SBF2: variants seen among roughly 807,000 people sequenced by gnomAD.
SBF2 encodes myotubularin-related protein 13.
In SBF2, 112 loss-of-function variants were observed where a neutral mutation model predicts 225.2. The observed-to-expected ratio is 0.50, with a 90% CI of 0.43 to 0.58. SBF2 has a LOEUF of 0.58. Ranked by LOEUF, SBF2 falls within the 20% of genes least tolerant of loss-of-function variation. The pLI, the probability that SBF2 is intolerant of heterozygous loss-of-function variation, is 0.00. For synonymous variants in SBF2, 763 were observed against 773.3 expected (o/e 0.99, Z 0.22); for missense variants, 1,996 against 2,206.2 (o/e 0.90, Z 1.91).
chr11:9,781,244 C>A (rs2133841038), intron 39 of SBF2, among the ~76,000 whole-genome samples: 1 of 152,376 alleles, frequency 6.6e-6, no homozygotes, highest in East Asian at 1.9e-4. Context: ...CAACATTTAA[C>A]AAGGAGTTCA....
Position 9,959,473 on chromosome 11 carries a change from A to T in SBF2, c.1860+2484T>A, listed in dbSNP as rs565302413. On this transcript the variant is annotated intron_variant, in intron 16 of 39. Transcript: ENST00000256190. The stretch of plus-strand genomic sequence containing the variant: ...CCTTATCCGTTTACAGGTGTGCCTC[A>T]AATTGGTCTCTGCAGGCTTTCGATT... 79 of 1,015,982 alleles carry T rather than the reference A, an allele frequency of 7.8e-5. No homozygotes were observed. The East Asian group carries it at 1.9e-3, about 24-fold the overall frequency. 62.9% of individuals were successfully genotyped at this position (1,015,982 alleles called of 1,614,324 possible).
At chr11:9,907,286 G>A (rs1314500797) in intron 16 of SBF2, among the ~76,000 whole-genome samples, 2 of 151,830 alleles carry the variant, frequency 1.3e-5, no homozygotes, top group Admixed American at 1.3e-4. Flanking sequence ...CTACCCACCC[G>A]ACCATATGGG....
At chr11:10,275,623 A>T (rs1293735951) in intron 1 of SBF2, among the ~76,000 whole-genome samples, 17 of 139,008 alleles carry the variant, frequency 1.2e-4, no homozygotes, top group Non-Finnish European at 2.4e-4. Flanking sequence ...TCATTAATTT[A>T]AAAAAAAAAA....
In SBF2 at chr11:9,841,916, ATGT is replaced by A. The variant is rs374074919; in HGVS notation, c.3256+706_3256+708del. ...CTGAAGATGAGGTTTCTTTTTTAAA[ATGT>A]TGTTGTTGTTAGTAGTAGTTTTTGC... On this transcript the variant is annotated intron_variant, in intron 25 of 39. Coordinates refer to ENST00000256190, the MANE Select transcript of SBF2 (RefSeq NM_030962.4). 7.4e-3 allele frequency among the ~76,000 whole-genome samples: 1,123 copies of A among 152,244 alleles called. 11 individuals are homozygous for A. The highest frequency in any genetic ancestry group is 0.025 in the African/African-American group (1,043 of 41,552).
At chr11:9,907,528 T>G (rs965995261) in intron 16 of SBF2, among the ~76,000 whole-genome samples, 6 of 152,220 alleles carry the variant, frequency 3.9e-5, no homozygotes, top group African/African-American at 7.2e-5. Context: ...TATTACAGTT[T>G]CAGCTTCAAG....
chr11:9,933,398 C>T (rs1418356493), intron 16 of SBF2, among the ~76,000 whole-genome samples: 1 of 152,128 alleles, frequency 6.6e-6, no homozygotes, highest in African/African-American at 2.4e-5. Flanking sequence ...AAATTGACCA[C>T]ATAATTGGAA....
At chr11:9,801,483 T>G (rs1291234803) in intron 32 of SBF2, among the ~76,000 whole-genome samples, 3 of 152,204 alleles carry the variant, frequency 2.0e-5, no homozygotes, top group East Asian at 3.8e-4. Flanking sequence ...TTTAATACAT[T>G]AAAACTGGAT....
chr11:10,152,928 G>A (rs931240791), intron 2 of SBF2, among the ~76,000 whole-genome samples: 1 of 152,178 alleles, frequency 6.6e-6, no homozygotes, highest in Non-Finnish European at 1.5e-5. Flanking sequence ...ATTTTCTGGG[G>A]GAAAAAAAGC....
At chr11:9,853,832 G>C (rs1857132638) in intron 19 of SBF2, 120 bp from the exon 20 acceptor site, 2 of 932,094 alleles carry the variant, frequency 2.1e-6, no homozygotes, top group East Asian at 4.8e-5. Flanking sequence ...TCAAGTAGAA[G>C]GCTCACTTAA....
chr11:9,800,801 C>T (rs1853448921), intron 32 of SBF2, among the ~76,000 whole-genome samples: 1 of 152,124 alleles, frequency 6.6e-6, no homozygotes, highest in African/African-American at 2.4e-5. Flanking sequence ...CCACCTTGGC[C>T]TCCCAAAATG....
At chr11:10,196,374 A>G (rs1317590131) in intron 1 of SBF2, among the ~76,000 whole-genome samples, 2 of 152,054 alleles carry the variant, frequency 1.3e-5, no homozygotes. Context: ...CGTTCAAGAA[A>G]TATTTATCAT....
intron 16 of SBF2, among the ~76,000 whole-genome samples, chr11:9,950,568 G>T (rs1019232980): frequency 1.3e-5 from 2 of 152,160 alleles, no homozygotes; most frequent in Admixed American, 6.5e-5. Context: ...ATGAACATTT[G>T]CACTTTAAAT....
At chr11:10,013,853 T>C (rs1445488529) in intron 6 of SBF2, among the ~76,000 whole-genome samples, 1 of 152,196 alleles carries the variant, frequency 6.6e-6, no homozygotes, top group Non-Finnish European at 1.5e-5. Flanking sequence ...GCATTCTACA[T>C]AGCAGAGTCC....
Position 9,856,499 on chromosome 11 carries a change from T to C in SBF2, c.2322A>G (p.Pro774=), listed in dbSNP as rs1680482200. 6.2e-7 allele frequency: 1 copy of C among 1,614,082 alleles called. No individual in the cohort carries two copies. Among genetic ancestry groups the C allele is most frequent in the Admixed American group, 1.7e-5 (1 of 60,012 alleles). ...TGTTGCTTCCGCTCTCCCAGTCACC[T>C]GGCGCTGATGTTCTTAGGAGCTTGT... ...SKNKLLRTSA[P]GDWESGSNSI... The change falls in exon 19 of 40, where the codon CCA becomes CCG. Residue 774 remains proline (P), a synonymous_variant. Transcript: ENST00000256190.
chr11:9,952,522 G>A (rs1432060681), intron 16 of SBF2, among the ~76,000 whole-genome samples: 2 of 152,140 alleles, frequency 1.3e-5, no homozygotes, highest in Admixed American at 1.3e-4. Flanking sequence ...CTTGGGAAAA[G>A]GCTTTCTCGG....
chr11:9,903,885 C>T (rs1861922622), intron 16 of SBF2, among the ~76,000 whole-genome samples: 1 of 152,112 alleles, frequency 6.6e-6, no homozygotes, highest in Admixed American at 6.6e-5. Flanking sequence ...TCTCTTAATG[C>T]TCATGCCCAG....
chr11:9,812,776 G>C (rs1314756244), intron 29 of SBF2, 68 bp from the exon 30 acceptor site: 2 of 1,518,734 alleles, frequency 1.3e-6, no homozygotes, highest in Admixed American at 1.7e-5. Flanking sequence ...GTTTCCAATG[G>C]GGCAGTGCAT....
chr11:10,228,953 T>C lies in SBF2; in HGVS notation c.56-34966A>G, dbSNP rs575425628. Among the ~76,000 whole-genome samples the C allele has an allele frequency of 4.9e-3, 744 of 150,754 alleles. 8 individuals are homozygous for C. The highest frequency in any genetic ancestry group is 8.0e-3 in the Non-Finnish European group (538 of 67,522). On this transcript the variant is annotated intron_variant, in intron 1 of 39. Transcript: ENST00000256190. ...CTGTGAATCCATCTGGTCCTGGACT[T>C]TTTTTTTTGGTTGGTAAGCTATTAA...
chr11:10,132,265 G>A (rs55796000), intron 2 of SBF2, among the ~76,000 whole-genome samples: 1,687 of 152,206 alleles, frequency 0.011, 38 homozygotes, highest in African/African-American at 0.038. Context: ...TCTGCCCCTG[G>A]TTCTAACACA....
Sources: allele counts gnomAD v4.1 joint callset (sites outside exome capture counted in the v4.1 genomes callset), GRCh38; gene constraint gnomAD v4.1.1; transcripts MANE v1.5; gene names NCBI Gene and HGNC (gene_info 2026-07-23, HGNC 2026-07-21).